The following RIMS2 variants were observed in gnomAD, a reference collection of about 807,000 sequenced individuals.
The protein encoded by RIMS2 is regulating synaptic membrane exocytosis 2, also known as regulating synaptic membrane exocytosis protein 2.
A neutral mutation model predicts 174.4 loss-of-function variants in RIMS2; 59 were observed. That is an observed-to-expected ratio of 0.34 (90% confidence interval 0.27 to 0.42). RIMS2 has a LOEUF of 0.42. RIMS2 is among the 10% of genes least tolerant of loss of function. RIMS2 has a pLI of 1.00. For synonymous variants in RIMS2, 606 were observed against 572.5 expected, an observed-to-expected ratio of 1.06 and a Z score of -0.84; for missense variants, 1,620 against 1,666.3, an observed-to-expected ratio of 0.97 and a Z score of 0.48.
Position 104,242,439 on chromosome 8 carries a change from C to T in RIMS2, c.3335-2477C>T, listed in dbSNP as rs377628506. 2.5e-4 allele frequency among the ~76,000 whole-genome samples: 38 copies of T among 152,228 alleles called. No homozygotes were observed. In the East Asian group the frequency reaches 2.7e-3, roughly 11 times the overall value. On this transcript the variant is annotated intron_variant, in intron 19 of 23. Coordinates refer to ENST00000504942, the Ensembl canonical transcript of RIMS2. ...AACTTGTCCTAAAATTACTTTTATACTGTTTTGCATATAGGGTTTCTTGTT... is the reference window on the plus strand; with the variant it reads ...AACTTGTCCTAAAATTACTTTTATATTGTTTTGCATATAGGGTTTCTTGTT...
chr8:104,118,362 G>GTT (rs1303922869), intron 19 of RIMS2, among the ~76,000 whole-genome samples: 3 of 108,560 alleles, frequency 2.8e-5, no homozygotes, highest in Admixed American at 9.4e-5. Context: ...TTGTTTTTTT[G>GTT]TTTTTTTGTT....
At chr8:104,177,986 G>A (rs945014798) in intron 19 of RIMS2, among the ~76,000 whole-genome samples, 2 of 152,126 alleles carry the variant, frequency 1.3e-5, no homozygotes, top group Non-Finnish European at 2.9e-5. Context: ...CTACCATATG[G>A]AAGCAGACAA....
intron 1 of RIMS2, among the ~76,000 whole-genome samples, chr8:103,601,479 T>G (rs187871879): frequency 6.8e-6 from 1 of 146,312 alleles, no homozygotes; most frequent in Admixed American, 6.7e-5. Context: ...GATATAAATA[T>G]AGTGACTTCT....
intron 3 of RIMS2, among the ~76,000 whole-genome samples, chr8:103,846,110 T>C (rs1042588221): frequency 4.6e-5 from 7 of 152,106 alleles, no homozygotes; most frequent in Admixed American, 6.6e-5. Flanking sequence ...TTTAATTAAG[T>C]TTGTGTGAAA....
At chr8:103,975,585 T>G (rs2093342637) in intron 16 of RIMS2, 79 bp downstream of exon 18, 9 of 949,698 alleles carry the variant, frequency 9.5e-6, no homozygotes, top group Non-Finnish European at 1.5e-5. Flanking sequence ...TAATAGGATA[T>G]ATGTATATAC....
chr8:103,759,490 G>T (rs1182048893), intron 2 of RIMS2, among the ~76,000 whole-genome samples: 1 of 150,260 alleles, frequency 6.7e-6, no homozygotes, highest in Admixed American at 6.7e-5. Flanking sequence ...GCGTGAACCT[G>T]GGAGGCGGAG....
At chr8:104,005,128 T>C (rs2095526919) in intron 17 of RIMS2, among the ~76,000 whole-genome samples, 1 of 152,208 alleles carries the variant, frequency 6.6e-6, no homozygotes, top group Non-Finnish European at 1.5e-5. Flanking sequence ...GATTGTTCAA[T>C]GATTTTCTGC....
chr8:103,933,492 TAA>T (rs750468247), intron 12 of RIMS2, among the ~76,000 whole-genome samples: 2 of 151,728 alleles, frequency 1.3e-5, no homozygotes, highest in Non-Finnish European at 2.9e-5. Flanking sequence ...CCATCTCAAA[TAA>T]AAAAAAGAGT....
chr8:103,619,411 A>G (rs1054108741), intron 1 of RIMS2, among the ~76,000 whole-genome samples: 1 of 152,116 alleles, frequency 6.6e-6, no homozygotes, highest in African/African-American at 2.4e-5. Flanking sequence ...AATTATGTAG[A>G]TATTAACATA....
intron 1 of RIMS2, among the ~76,000 whole-genome samples, chr8:103,574,869 A>G (rs1448572366): frequency 3.9e-5 from 6 of 152,226 alleles, no homozygotes; most frequent in African/African-American, 7.2e-5. Context: ...GAGATAGAAG[A>G]TATTTCTAGC....
intron 3 of RIMS2, among the ~76,000 whole-genome samples, chr8:103,808,913 A>G (rs1250869273): frequency 1.3e-5 from 2 of 152,112 alleles, no homozygotes; most frequent in African/African-American, 2.4e-5. Flanking sequence ...ATGTCCTCCT[A>G]TGTGTTTCTT....
intron 1 of RIMS2, among the ~76,000 whole-genome samples, chr8:103,576,696 A>G (rs1239425710): frequency 6.6e-6 from 1 of 152,240 alleles, no homozygotes; most frequent in East Asian, 1.9e-4. Flanking sequence ...TACAGTAACC[A>G]AAGTAGCGTG....
intron 3 of RIMS2, among the ~76,000 whole-genome samples, chr8:103,863,697 T>G (rs934715534): frequency 2.6e-5 from 4 of 152,040 alleles, no homozygotes; most frequent in Non-Finnish European, 5.9e-5. Context: ...CAGAAATATA[T>G]CCTAGGTTTT....
intron 19 of RIMS2, among the ~76,000 whole-genome samples, chr8:104,065,906 A>G (rs2097098288): frequency 6.6e-6 from 1 of 152,196 alleles, no homozygotes; most frequent in Non-Finnish European, 1.5e-5. Context: ...TTATCCAGCA[A>G]ATACAGATTA....
chr8:104,042,635 A>T (rs2096628058), intron 19 of RIMS2, among the ~76,000 whole-genome samples: 1 of 151,690 alleles, frequency 6.6e-6, no homozygotes, highest in Non-Finnish European at 1.5e-5. Flanking sequence ...CAGGTGACTG[A>T]AATGTTTGAT....
chr8:103,890,566 T>C (rs1486645926), intron 4 of RIMS2, among the ~76,000 whole-genome samples: 2 of 152,068 alleles, frequency 1.3e-5, no homozygotes, highest in African/African-American at 2.4e-5. Context: ...GTATGTCTTG[T>C]AACACTTTTC....
chr8:104,062,991 A>G (rs2097031960), intron 19 of RIMS2, among the ~76,000 whole-genome samples: 1 of 152,036 alleles, frequency 6.6e-6, no homozygotes, highest in South Asian at 2.1e-4. Context: ...GCCTCAGATA[A>G]TATTTTGATT....
chr8:103,579,134 G>A (rs939554259), intron 1 of RIMS2, among the ~76,000 whole-genome samples: 1 of 152,030 alleles, frequency 6.6e-6, no homozygotes, highest in African/African-American at 2.4e-5. Flanking sequence ...CAGGCACAAT[G>A]GTATGTGCCT....
At chr8:103,501,000 AATC>A in exon 1 of RIMS2, 1 of 1,611,744 alleles carries the variant, frequency 6.2e-7, no homozygotes, top group East Asian at 2.2e-5. Context: ...AGGAGAGGAA[AATC>A]ATCCTGGCCG....
Sources: allele counts gnomAD v4.1 joint callset (sites outside exome capture counted in the v4.1 genomes callset), GRCh38; gene constraint gnomAD v4.1.1; transcripts MANE v1.5; gene names NCBI Gene and HGNC (gene_info 2026-07-23, HGNC 2026-07-21).